KLF13: variants seen among roughly 807,000 people sequenced by gnomAD.
KLF13 encodes the protein Krueppel-like factor 13.
KLF13 carries 8 observed loss-of-function variants against 16.7 expected under a neutral mutation model. The ratio of observed to expected loss-of-function variants is 0.48; its 90% CI spans 0.28 to 0.87. The LOEUF is 0.87. KLF13 is among the 40% of genes least tolerant of loss of function. The probability of loss-of-function intolerance (pLI) is 0.10; values close to 1 mark genes in which losing one functional copy is unlikely to be tolerated. For missense variants in KLF13, 447 were observed against 452.2 expected, an observed-to-expected ratio of 0.99 and a Z score of 0.10; for synonymous variants, 245 against 208.4, an observed-to-expected ratio of 1.18 and a Z score of -1.51.
intron 1 of KLF13, among the ~76,000 whole-genome samples, chr15:31,340,667 G>C (rs1226126435): frequency 6.6e-6 from 1 of 152,210 alleles, no homozygotes; most frequent in Non-Finnish European, 1.5e-5. Flanking sequence ...GCTGAGGCAG[G>C]AGAATTGCTT....
chr15:31,368,983 T>G (rs182469603), intron 1 of KLF13, among the ~76,000 whole-genome samples: 1 of 152,376 alleles, frequency 6.6e-6, no homozygotes, highest in East Asian at 1.9e-4. Context: ...ATAAATGAAC[T>G]GTATTTTACT....
chr15:31,402,767 G>C (rs914943535), intron 2 of KLF13, among the ~76,000 whole-genome samples: 1 of 152,200 alleles, frequency 6.6e-6, no homozygotes, highest in Non-Finnish European at 1.5e-5. Flanking sequence ...GTTTCTGTCA[G>C]AGAAGGTCCT....
intron 1 of KLF13, among the ~76,000 whole-genome samples, chr15:31,383,410 C>T (rs2039752014): frequency 6.6e-6 from 1 of 152,186 alleles, no homozygotes; most frequent in Non-Finnish European, 1.5e-5. Flanking sequence ...ACAATGGAAA[C>T]ACAAACTCTA....
chr15:31,357,683 C>A (rs74010620), intron 1 of KLF13, among the ~76,000 whole-genome samples: 3,027 of 152,120 alleles, frequency 0.02, 99 homozygotes, highest in African/African-American at 0.069. Context: ...CCTGTGTAGA[C>A]CCTCCCAGAA....
At chr15:31,431,059 C>G (rs2040465702) in intron 1 of KLF13, among the ~76,000 whole-genome samples, 1 of 152,148 alleles carries the variant, frequency 6.6e-6, no homozygotes, top group Non-Finnish European at 1.5e-5. Context: ...GGGCATGCAG[C>G]AGATGATTAG....
upstream of KLF13, among the ~76,000 whole-genome samples, chr15:31,389,871 C>T (rs2039837853): frequency 1.3e-5 from 2 of 152,224 alleles, no homozygotes; most frequent in East Asian, 3.9e-4. Context: ...CTAAAGTCAT[C>T]AACACCACCA....
At chr15:31,329,423 C>A (rs1003507746) in intron 1 of KLF13, among the ~76,000 whole-genome samples, 3 of 151,946 alleles carry the variant, frequency 2.0e-5, no homozygotes, top group Non-Finnish European at 4.4e-5. Flanking sequence ...GGAAATTTTT[C>A]TACGGCCTCT....
chr15:31,332,509 C>A (rs916769068), intron 1 of KLF13, among the ~76,000 whole-genome samples: 2 of 152,188 alleles, frequency 1.3e-5, no homozygotes, highest in African/African-American at 2.4e-5. Flanking sequence ...TCCACTCCCC[C>A]CTTCCCCCTC....
Position 31,373,007 on chromosome 15 carries a change from C to CT in KLF13, c.*709dup, listed in dbSNP as rs1283250367. On this transcript the variant is annotated 3_prime_UTR_variant, in exon 2 of 2. Coordinates refer to ENST00000307145, the MANE Select transcript of KLF13 (RefSeq NM_015995.4). Reference sequence around the variant, plus strand: ...CCTTCAGGAGCCCTCTCCTACGGCGCTAGGGAGCACTGGAAGCAGAGATGC... The same window carrying CT: ...CCTTCAGGAGCCCTCTCCTACGGCGCTTAGGGAGCACTGGAAGCAGAGATGC... 6.6e-6 allele frequency: 1 copy of CT among 152,566 alleles called. No individual in the cohort carries two copies. Among genetic ancestry groups the CT allele is most frequent in the Non-Finnish European group, 1.5e-5 (1 of 68,284 alleles). The allele number at this position is 152,566 out of a possible 1,614,324, so 9.5% of individuals were successfully genotyped here.
chr15:31,429,168 T>C (rs532754987), intron 1 of KLF13, among the ~76,000 whole-genome samples: 2 of 148,892 alleles, frequency 1.3e-5, no homozygotes, highest in African/African-American at 2.6e-5. Flanking sequence ...AAAGTGACAG[T>C]GCAGAGCAGC....
intron 1 of KLF13, among the ~76,000 whole-genome samples, chr15:31,421,851 C>T (rs967797293): frequency 6.6e-6 from 1 of 152,096 alleles, no homozygotes; most frequent in Non-Finnish European, 1.5e-5. Context: ...CGGTGGCTCA[C>T]ACATGTATTG....
At chr15:31,331,471 C>T (rs1413795076) in intron 1 of KLF13, among the ~76,000 whole-genome samples, 1 of 152,198 alleles carries the variant, frequency 6.6e-6, no homozygotes, top group Non-Finnish European at 1.5e-5. Context: ...GCTTTAGAGA[C>T]TTGTTTCCAA....
intron 1 of KLF13, among the ~76,000 whole-genome samples, chr15:31,368,550 A>G (rs1032857380): frequency 6.6e-6 from 1 of 152,216 alleles, no homozygotes; most frequent in African/African-American, 2.4e-5. Flanking sequence ...AAACAAATAC[A>G]TAGGATTTTT....
intron 2 of KLF13, among the ~76,000 whole-genome samples, chr15:31,400,098 G>A (rs1193653454): frequency 6.6e-6 from 1 of 152,188 alleles, no homozygotes; most frequent in Non-Finnish European, 1.5e-5. Context: ...CCTCCCCATG[G>A]GGTTCTTGAC....
At chr15:31,408,226 A>G (rs1297514934), downstream of KLF13, among the ~76,000 whole-genome samples, 1 of 152,238 alleles carries the variant, frequency 6.6e-6, no homozygotes, top group African/African-American at 2.4e-5. Context: ...TAGATTTCAT[A>G]TGTTGCATAT....
At chr15:31,369,213 C>A (rs1160046584) in intron 1 of KLF13, among the ~76,000 whole-genome samples, 1 of 152,130 alleles carries the variant, frequency 6.6e-6, no homozygotes, top group Non-Finnish European at 1.5e-5. Flanking sequence ...CCCTTAAATC[C>A]ATGTTCTCTG....
intron 1 of KLF13, among the ~76,000 whole-genome samples, chr15:31,430,796 G>T (rs2040463043): frequency 6.6e-6 from 1 of 152,200 alleles, no homozygotes; most frequent in African/African-American, 2.4e-5. Flanking sequence ...ATCACAATGA[G>T]ATCATTCCAT....
intron 2 of KLF13, among the ~76,000 whole-genome samples, chr15:31,397,457 C>T (rs1159362334): frequency 6.6e-6 from 1 of 152,240 alleles, no homozygotes; most frequent in Non-Finnish European, 1.5e-5. Context: ...GGCTGCAGGC[C>T]AAGAGGTCCA....
At position 31,372,450 on chromosome 15, in the gene KLF13, A is replaced by G. The variant is rs995081111; in HGVS notation, c.*151A>G. On this transcript the variant is annotated 3_prime_UTR_variant, in exon 2 of 2. Transcript: ENST00000307145. ...GTGTCAAAGTAAATTTGTTAAAAAA[A>G]CAAAAAAAACACAAAAATTTCAAAA... 3.4e-6 allele frequency: 3 copies of G among 886,480 alleles called. No homozygotes were observed. The highest frequency in any genetic ancestry group is 3.2e-6 in the Non-Finnish European group (2 of 634,664). The allele number at this position is 886,480 out of a possible 1,614,324, so 54.9% of individuals were successfully genotyped here.
Sources: gnomAD v4.1 joint callset for allele counts (sites outside exome capture counted in the v4.1 genomes callset) on GRCh38, gnomAD v4.1.1 for gene constraint, MANE v1.5 for transcripts, NCBI Gene and HGNC (gene_info 2026-07-23, HGNC 2026-07-21) for gene names.